Variants in TUBGCP2 observed in about 807,000 individuals in gnomAD.
TUBGCP2 encodes gamma-tubulin complex component 2.
TUBGCP2 carries 55 observed loss-of-function variants against 92.2 expected under a neutral mutation model. The observed-to-expected ratio is 0.60, with a 90% CI of 0.48 to 0.75. TUBGCP2 has a LOEUF of 0.75. TUBGCP2 is among the 30% of genes least tolerant of loss of function. TUBGCP2 has a pLI of 0.00. For synonymous variants in TUBGCP2, 533 were observed against 505.2 expected, an observed-to-expected ratio of 1.06 and a Z score of -0.74; for missense variants, 1,093 against 1,188.9, an observed-to-expected ratio of 0.92 and a Z score of 1.19.
chr10:133,289,991 C>T lies in TUBGCP2; in HGVS notation c.1215-22G>A, dbSNP rs145092719. 633 of 1,605,154 alleles carry T rather than the reference C, an allele frequency of 3.9e-4. 2 individuals carry two copies. In the East Asian group the frequency reaches 4.0e-3, roughly 10 times the overall value. ...CTCACTAAAACCACAGGGAGCGCTTCGGTCACAGGCAAAGCAAGGGCGCCT... is the reference window on the plus strand; with the variant it reads ...CTCACTAAAACCACAGGGAGCGCTTTGGTCACAGGCAAAGCAAGGGCGCCT... On this transcript the variant is annotated intron_variant, in intron 8 of 17. Coordinates refer to ENST00000252936, the MANE Select transcript of TUBGCP2 (RefSeq NM_006659.4).
In TUBGCP2 at chr10:133,293,632, G is replaced by A. The variant is rs1301050693; in HGVS notation, c.754C>T (p.Leu252=). Residue 252 remains leucine (L), a synonymous_variant, in exon 6 of 18, where the codon CTG becomes TTG. Coordinates refer to ENST00000252936, the MANE Select transcript of TUBGCP2 (RefSeq NM_006659.4). ...ACCAGCTCCCTGATGGACAGGTCCA[G>A]GTTGGGGTCCACGAGGAAGGTCCGG... ...QSRTFLVDPN[L]DLSIRELVHR... 4.4e-6 allele frequency: 7 copies of A among 1,575,266 alleles called. No individual in the cohort carries two copies. Among genetic ancestry groups the A allele is most frequent in the Non-Finnish European group, 6.0e-6 (7 of 1,160,720 alleles).
chr10:133,281,789 C>T (rs1846984708), intron 16 of TUBGCP2, among the ~76,000 whole-genome samples: 1 of 152,214 alleles, frequency 6.6e-6, no homozygotes, highest in Non-Finnish European at 1.5e-5. Context: ...TCTGCCAGCT[C>T]CAGCTCCAGC....
In TUBGCP2 at chr10:133,302,888, A is replaced by G; in HGVS notation, c.54T>C (p.Arg18=). The G allele has an allele frequency of 6.2e-7, 1 of 1,614,084 alleles. No individual in the cohort carries two copies. The highest frequency in any genetic ancestry group is 8.5e-7 in the Non-Finnish European group (1 of 1,180,008). The change falls in exon 2 of 18, where the codon CGT becomes CGC. Residue 18 remains arginine, a synonymous_variant. Coordinates refer to ENST00000252936, the MANE Select transcript of TUBGCP2 (RefSeq NM_006659.4). ...CCTCAGCCCCATCTCCTCCGTGGAC[A>G]CGCAGCAGGCTAAGCAGTTCATTGA... is the stretch of plus-strand genomic sequence containing the variant. ...HDVNELLSLL[R]VHGGDGAEVY...
chr10:133,279,967 G>C, intron 17 of TUBGCP2, 66 bp from the exon 18 acceptor site: 2 of 1,569,026 alleles, frequency 1.3e-6, no homozygotes, highest in Non-Finnish European at 1.7e-6. Flanking sequence ...GGCAGCAGGG[G>C]TGTGGAAGGA....
At chr10:133,311,393 G>A (rs1426162031), upstream of TUBGCP2, among the ~76,000 whole-genome samples, 1 of 152,134 alleles carries the variant, frequency 6.6e-6, no homozygotes, top group East Asian at 1.9e-4. Flanking sequence ...TATAGTCTCT[G>A]GTTAACTTTA....
At chr10:133,284,825 ACCACAAGGCT>A (rs1847089582) in intron 13 of TUBGCP2, among the ~76,000 whole-genome samples, 1 of 152,226 alleles carries the variant, frequency 6.6e-6, no homozygotes, top group Admixed American at 6.5e-5. Flanking sequence ...CCGTGCAGTC[ACCACAAGGCT>A]CCAGAGAGGG....
At position 133,281,500 on chromosome 10, in the gene TUBGCP2, A is replaced by G. The variant is rs7100015; in HGVS notation, c.2410-64T>C. The G allele has an allele frequency of 9.9e-4, 1,566 of 1,580,038 alleles. 14 individuals are homozygous for G. The African/African-American group carries it at 0.019, about 19-fold the overall frequency. ...CCACCGTGGGCCTTCTTGGCTCCACACTGTTCCCAGCAGGCCGGTGTCCTT... is the reference window on the plus strand; with the variant it reads ...CCACCGTGGGCCTTCTTGGCTCCACGCTGTTCCCAGCAGGCCGGTGTCCTT... On this transcript the variant is annotated intron_variant, in intron 16 of 17. Coordinates refer to ENST00000252936, the MANE Select transcript of TUBGCP2 (RefSeq NM_006659.4).
At chr10:133,310,718 G>A (rs1847972472), upstream of TUBGCP2, among the ~76,000 whole-genome samples, 2 of 152,206 alleles carry the variant, frequency 1.3e-5, no homozygotes, top group African/African-American at 4.8e-5. Context: ...TGTCCTGGTT[G>A]GTTGTGCGCA....
intron 5 of TUBGCP2, among the ~76,000 whole-genome samples, chr10:133,296,183 C>T (rs538722136): frequency 3.5e-4 from 54 of 152,336 alleles, no homozygotes; most frequent in Non-Finnish European, 6.9e-4. Flanking sequence ...CTGGACAGTG[C>T]GTTCCTCTTT....
Position 133,288,937 on chromosome 10 carries a change from G to C in TUBGCP2, c.1444C>G (p.Arg482Gly). The change falls in exon 10 of 18, where the codon CGG (arginine) becomes GGG (glycine). Residue 482 changes from arginine to glycine, a missense_variant. Around this residue, in one of 3 missense-constraint regions of TUBGCP2, gnomAD observed 598 missense variants for 675.5 expected, o/e 0.89. Transcript: ENST00000252936. ...AKEIIYTLKE[R>G]AYVEQIEKAF... ...TTCTCGATCTGCTCCACATACGCCC[G>C]CTCTTTTAACGTGTAGATGATCTCT... The C allele has an allele frequency of 6.2e-7, 1 of 1,614,208 alleles. No homozygotes were observed. The highest frequency in any genetic ancestry group is 8.5e-7 in the Non-Finnish European group (1 of 1,180,028).
At chr10:133,283,805 G>C in intron 14 of TUBGCP2, 77 bp downstream of exon 14, 3 of 1,582,592 alleles carry the variant, frequency 1.9e-6, no homozygotes, top group Middle Eastern at 1.7e-4. Flanking sequence ...CCCTCGCCCT[G>C]CCTCTCCTGC....
rs748906755 is a variant in TUBGCP2 at position 133,281,434 on chromosome 10, G to A, written c.2412C>T (p.His804=). 3 of 1,612,106 alleles carry A rather than the reference G, an allele frequency of 1.9e-6. No individual in the cohort carries two copies. The Admixed American group carries it at 5.0e-5, about 27-fold the overall frequency. ...GCACAGTGTCTGCGTGCTCAGCCAG[G>A]TGCTGGAAAGAAAGCCGGGGTGCGT... ...ERARKELARK[H]LAEHADTVQL... is the part of the protein sequence containing the mutation. Residue 804 remains histidine (H), a splice_region_variant and synonymous_variant, in exon 17 of 18, where the codon CAC becomes CAT. Transcript: ENST00000252936.
upstream of TUBGCP2, chr10:133,311,696 T>C: frequency 6.2e-7 from 1 of 1,606,304 alleles, no homozygotes; most frequent in South Asian, 1.1e-5. Flanking sequence ...GGGCAGTTAC[T>C]CACTGCTCTC....
At chr10:133,302,688 G>T in intron 2 of TUBGCP2, 104 bp downstream of exon 2, 1 of 1,452,458 alleles carries the variant, frequency 6.9e-7, no homozygotes. Flanking sequence ...ACCCAGGAAC[G>T]GCGCTCACCC....
In TUBGCP2 at chr10:133,299,506, G is replaced by A. The variant is rs1252795628; in HGVS notation, c.377C>T (p.Ala126Val). ...AAGCTCCTGCATGGAGATCTTGGAG[G>A]CCGCGGCAGGGACGTTGATGCTGGT... ...STTSINVPAA[A>V]SKISMQELEE... Residue 126 changes from alanine (A) to valine (V), a missense_variant, in exon 4 of 18, where the codon GCC becomes GTC. By Grantham distance (64) the Ala-to-Val change is moderately conservative. Around this residue, in one of 3 missense-constraint regions of TUBGCP2, gnomAD observed 490 missense variants for 488.5 expected, o/e 1.00. Coordinates refer to ENST00000252936, the MANE Select transcript of TUBGCP2 (RefSeq NM_006659.4). The A allele has an allele frequency of 6.2e-7, 1 of 1,613,578 alleles. No individual in the cohort carries two copies. Among genetic ancestry groups the A allele is most frequent in the Non-Finnish European group, 8.5e-7 (1 of 1,180,010 alleles).
At chr10:133,308,942 T>G (rs1183073435), upstream of TUBGCP2, 4 of 1,227,092 alleles carry the variant, frequency 3.3e-6, no homozygotes, top group Non-Finnish European at 2.0e-6. Flanking sequence ...GCGCCCGGGG[T>G]GATGCAGTTG....
At position 133,292,613 on chromosome 10, in the gene TUBGCP2, G is replaced by A; in HGVS notation, c.1100C>T (p.Thr367Ile). 1.2e-6 allele frequency: 2 copies of A among 1,614,204 alleles called. No individual in the cohort carries two copies. Among genetic ancestry groups the A allele is most frequent in the Non-Finnish European group, 1.7e-6 (2 of 1,180,028 alleles). The change falls in exon 8 of 18, where the codon ACA becomes ATA. Residue 367 changes from threonine (T) to isoleucine (I), a missense_variant. Coordinates refer to ENST00000252936, the MANE Select transcript of TUBGCP2 (RefSeq NM_006659.4). Reference protein sequence around the residue: ...SLLHDRSFSYTGDSQAQELCL... With the variant: ...SLLHDRSFSYIGDSQAQELCL... ...TAGCTCCTGCGCCTGGCTGTCCCCT[G>A]TGTAGCTGAAGCTCCTGTCGTGGAG...
chr10:133,309,120 A>T, upstream of TUBGCP2: 3 of 1,329,594 alleles, frequency 2.3e-6, no homozygotes, highest in Non-Finnish European at 2.9e-6. Flanking sequence ...AGAGGGAAAA[A>T]GTAGTTGTAG....
chr10:133,307,003 G>A (rs944794267), intron 1 of TUBGCP2, among the ~76,000 whole-genome samples: 1 of 152,104 alleles, frequency 6.6e-6, no homozygotes, highest in Admixed American at 6.5e-5. Context: ...GGGCAACTCT[G>A]GGGTGTCACG....
Sources: gnomAD v4.1 joint callset for allele counts (sites outside exome capture counted in the v4.1 genomes callset) on GRCh38, gnomAD v4.1.1 for gene constraint, gnomAD v4.1.1 regional missense constraint, MANE v1.5 for transcripts, NCBI Gene and HGNC (gene_info 2026-07-23, HGNC 2026-07-21) for gene names.